CLASP2: variants seen among roughly 807,000 people sequenced by gnomAD.
CLASP2 encodes CLIP-associating protein 2.
A neutral mutation model predicts 194.4 loss-of-function variants in CLASP2; 47 were observed. The ratio of observed to expected loss-of-function variants is 0.24; its 90% CI spans 0.19 to 0.31. The LOEUF is 0.31. Among genes scored for constraint, CLASP2 ranks in the 10% least tolerant of loss-of-function variants. The probability of loss-of-function intolerance (pLI) is 1.00; values close to 1 mark genes in which losing one functional copy is unlikely to be tolerated. For missense variants in CLASP2, 1,445 were observed against 1,823.6 expected (o/e 0.79, Z 3.78); for synonymous variants, 619 against 633.5 (o/e 0.98, Z 0.34).
chr3:33,679,838 T>C (rs1213513128), intron 6 of CLASP2, among the ~76,000 whole-genome samples: 1 of 152,206 alleles, frequency 6.6e-6, no homozygotes, highest in Non-Finnish European at 1.5e-5. Flanking sequence ...TCTTACAAAA[T>C]TAAACATACT....
intron 26 of CLASP2, among the ~76,000 whole-genome samples, chr3:33,569,444 T>G (rs1435223380): frequency 2.0e-5 from 3 of 152,220 alleles, no homozygotes; most frequent in Non-Finnish European, 2.9e-5. Flanking sequence ...TTTAAATGTT[T>G]AATAAAACAA....
intron 21 of CLASP2, among the ~76,000 whole-genome samples, chr3:33,588,385 G>A (rs137884949): frequency 2.6e-5 from 4 of 152,210 alleles, no homozygotes; most frequent in South Asian, 2.1e-4. Flanking sequence ...ACTTGACATC[G>A]AACACCTATT....
chr3:33,544,639 AATT>A (rs2058867699), intron 31 of CLASP2, 56 bp downstream of exon 31: 22 of 1,476,232 alleles, frequency 1.5e-5, no homozygotes, highest in Non-Finnish European at 1.9e-5. Context: ...AAAAGAAAGC[AATT>A]ATTATTAAAT....
chr3:33,507,305 C>G (rs1006622458), intron 37 of CLASP2, among the ~76,000 whole-genome samples: 6 of 152,072 alleles, frequency 3.9e-5, no homozygotes, highest in African/African-American at 1.2e-4. Flanking sequence ...CATGCCATTT[C>G]TTTACTAAAG....
At position 33,718,036 on chromosome 3, in the gene CLASP2, AGCG is replaced by A; in HGVS notation, c.-37_-35del. On this transcript the variant is annotated 5_prime_UTR_variant, in exon 1 of 39. Coordinates refer to ENST00000682230, the MANE Select transcript of CLASP2 (RefSeq NM_001365631.1). ...CCGCCCGCCCGCCTGCCAGTCTGTG[AGCG>A]GCCAACTTTCGCCGAGAGCCGCCCA... 1 of 1,450,660 alleles carries A rather than the reference AGCG, an allele frequency of 6.9e-7. No individual in the cohort carries two copies. The highest frequency in any genetic ancestry group is 9.0e-7 in the Non-Finnish European group (1 of 1,109,742). The allele number at this position is 1,450,660 out of a possible 1,614,324, so 89.9% of individuals were successfully genotyped here.
Position 33,538,894 on chromosome 3 carries a change from G to A in CLASP2, c.3453C>T (p.Ser1151=), listed in dbSNP as rs141232374. 5.4e-5 allele frequency: 86 copies of A among 1,602,566 alleles called. No individual in the cohort carries two copies. The East Asian group carries it at 1.8e-3, about 33-fold the overall frequency. ...TENMNSEDIY[S]SLRGVTEAIQ... ...TTGCTTCAGTGACACCTCTAAGAGAGCTATAAATATCTTCAGAGTTCATAT... is the reference window on the plus strand; with the variant it reads ...TTGCTTCAGTGACACCTCTAAGAGAACTATAAATATCTTCAGAGTTCATAT... The change falls in exon 33 of 39, where the codon AGC becomes AGT. Residue 1151 remains serine (S), a synonymous_variant. Coordinates refer to ENST00000682230, the MANE Select transcript of CLASP2 (RefSeq NM_001365631.1).
intron 29 of CLASP2, among the ~76,000 whole-genome samples, chr3:33,552,863 C>T (rs1258094394): frequency 6.6e-6 from 1 of 152,158 alleles, no homozygotes; most frequent in Non-Finnish European, 1.5e-5. Flanking sequence ...CCCCATTCCA[C>T]ATCCCCTCAT....
intron 26 of CLASP2, among the ~76,000 whole-genome samples, chr3:33,568,479 G>A (rs1196472557): frequency 1.4e-5 from 2 of 144,152 alleles, no homozygotes; most frequent in African/African-American, 2.5e-5. Context: ...GCTTGAACCC[G>A]GGAGGCGGAA....
intron 25 of CLASP2, among the ~76,000 whole-genome samples, chr3:33,572,836 A>C (rs1048260708): frequency 2.0e-5 from 3 of 151,932 alleles, no homozygotes; most frequent in African/African-American, 7.2e-5. Context: ...ATTAAAATTA[A>C]TAACATTTTA....
At chr3:33,560,252 C>CT (rs1284259560) in intron 28 of CLASP2, among the ~76,000 whole-genome samples, 1 of 139,488 alleles carries the variant, frequency 7.2e-6, no homozygotes, top group Non-Finnish European at 1.6e-5. Flanking sequence ...TTTTTTTTTT[C>CT]TTTTTTTTGA....
intron 33 of CLASP2, among the ~76,000 whole-genome samples, chr3:33,537,065 T>A (rs932425973): frequency 7.2e-5 from 11 of 152,182 alleles, no homozygotes; most frequent in African/African-American, 2.7e-4. Context: ...CCTATTTTCT[T>A]AATGAAGACA....
chr3:33,569,976 T>C (rs941435547), intron 26 of CLASP2, among the ~76,000 whole-genome samples: 45 of 152,172 alleles, frequency 3.0e-4, no homozygotes, highest in African/African-American at 1.0e-3. Context: ...TTAATATTTT[T>C]CTTATTTCCT....
At chr3:33,657,081 G>A (rs776454383) in intron 7 of CLASP2, among the ~76,000 whole-genome samples, 7 of 152,076 alleles carry the variant, frequency 4.6e-5, no homozygotes, top group Non-Finnish European at 1.0e-4. Flanking sequence ...TTTTGAAAGG[G>A]AAATGACATT....
chr3:33,521,826 A>G (rs767842662), intron 34 of CLASP2, among the ~76,000 whole-genome samples: 1 of 152,118 alleles, frequency 6.6e-6, no homozygotes, highest in Non-Finnish European at 1.5e-5. Context: ...TGGATGGTAA[A>G]GTGTGGTTAA....
Position 33,645,380 on chromosome 3 carries a change from A to G in CLASP2, c.716-477T>C. 7 of 761,688 alleles carry G rather than the reference A, an allele frequency of 9.2e-6. 1 individual carries two copies. In the South Asian group the frequency reaches 9.5e-5, roughly 10 times the overall value. The allele number at this position is 761,688 out of a possible 1,614,324, so 47.2% of individuals were successfully genotyped here. On this transcript the variant is annotated intron_variant, in intron 7 of 38. Transcript: ENST00000682230. ...CCCAATAGTTCACATGGCCAAATAC[A>G]GTAAATTCGATACTAATCAAAGATT... is the stretch of plus-strand genomic sequence containing the variant.
intron 34 of CLASP2, among the ~76,000 whole-genome samples, chr3:33,524,859 T>C (rs955070072): frequency 6.6e-6 from 1 of 151,956 alleles, no homozygotes; most frequent in Non-Finnish European, 1.5e-5. Flanking sequence ...GGAAAAATAG[T>C]TTTACAATAA....
intron 10 of CLASP2, among the ~76,000 whole-genome samples, chr3:33,624,656 G>A (rs1410296379): frequency 6.6e-6 from 1 of 151,948 alleles, no homozygotes; most frequent in Non-Finnish European, 1.5e-5. Flanking sequence ...GAGATTGACA[G>A]TAGTAATATA....
At chr3:33,545,045 A>G (rs938755276) in intron 30 of CLASP2, 4 of 401,378 alleles carry the variant, frequency 1.0e-5, no homozygotes, top group Non-Finnish European at 1.7e-5. Context: ...TAAGGTAAGA[A>G]GGGAATATGA....
At position 33,535,480 on chromosome 3, in the gene CLASP2, A is replaced by C; in HGVS notation, c.3559-19T>G. 4.4e-6 allele frequency: 7 copies of C among 1,575,026 alleles called. No individual in the cohort carries two copies. The South Asian group carries it at 6.7e-5, about 15-fold the overall frequency. Reference sequence around the variant, plus strand: ...CACACATCTATCAATGGGAAGTGAAAGCCACAGCAAATTAACTCATTTTTC... The same window carrying C: ...CACACATCTATCAATGGGAAGTGAACGCCACAGCAAATTAACTCATTTTTC... On this transcript the variant is annotated intron_variant, in intron 33 of 38. Transcript: ENST00000682230.
Sources: allele counts gnomAD v4.1 joint callset (sites outside exome capture counted in the v4.1 genomes callset), GRCh38; gene constraint gnomAD v4.1.1; transcripts MANE v1.5; gene names NCBI Gene and HGNC (gene_info 2026-07-23, HGNC 2026-07-21).